Variants in ERGIC2 observed in about 807,000 individuals in gnomAD.
ERGIC2 encodes ERGIC and golgi 2.
Under a neutral mutation model 52.5 loss-of-function variants are expected in ERGIC2, and 31 were observed. The ratio of observed to expected loss-of-function variants is 0.59; its 90% CI spans 0.44 to 0.80. The LOEUF is 0.80. Among genes scored for constraint, ERGIC2 ranks in the 30% least tolerant of loss-of-function variants. The pLI is 0.00. For synonymous variants in ERGIC2, 129 were observed against 140.6 expected, an observed-to-expected ratio of 0.92 and a Z score of 0.58; for missense variants, 395 against 455.2, an observed-to-expected ratio of 0.87 and a Z score of 1.20.
chr12:29,348,703 T>C (rs943801896), intron 10 of ERGIC2, among the ~76,000 whole-genome samples: 3 of 152,014 alleles, frequency 2.0e-5, no homozygotes, highest in African/African-American at 7.2e-5. Flanking sequence ...ACCTATATTA[T>C]ACAAAGAAGA....
intron 11 of ERGIC2, 134 bp downstream of exon 11, chr12:29,345,309 A>C: frequency 1.6e-6 from 1 of 630,716 alleles, no homozygotes; most frequent in South Asian, 2.0e-5. Context: ...ATGTTAATTC[A>C]TTTCAAAACT....
intron 8 of ERGIC2, among the ~76,000 whole-genome samples, chr12:29,351,378 G>T (rs907385956): frequency 6.6e-6 from 1 of 152,160 alleles, no homozygotes; most frequent in South Asian, 2.1e-4. Flanking sequence ...TCCACTTTAG[G>T]ATGTACTGAA....
chr12:29,343,556 G>A (rs964392238), intron 11 of ERGIC2, among the ~76,000 whole-genome samples: 7 of 152,130 alleles, frequency 4.6e-5, no homozygotes, highest in African/African-American at 1.7e-4. Context: ...TTTCTACTGA[G>A]CTCAAGAGCT....
chr12:29,375,080 T>A (rs1215242763), intron 1 of ERGIC2, among the ~76,000 whole-genome samples: 1 of 152,122 alleles, frequency 6.6e-6, no homozygotes, highest in East Asian at 1.9e-4. Flanking sequence ...AATATCCTAT[T>A]CTCTTTGCCA....
intron 5 of ERGIC2, among the ~76,000 whole-genome samples, chr12:29,362,885 A>C (rs1227931067): frequency 2.6e-5 from 4 of 152,180 alleles, no homozygotes; most frequent in Non-Finnish European, 5.9e-5. Flanking sequence ...CAGCAAACCA[A>C]TAAGGCTGTT....
chr12:29,358,384 A>C (rs556025431), intron 6 of ERGIC2, among the ~76,000 whole-genome samples: 1 of 152,196 alleles, frequency 6.6e-6, no homozygotes, highest in Non-Finnish European at 1.5e-5. Context: ...CACAGTGGGA[A>C]GGGAAGAATA....
chr12:29,374,802 C>T (rs973099683), intron 1 of ERGIC2, among the ~76,000 whole-genome samples: 1 of 152,180 alleles, frequency 6.6e-6, no homozygotes, highest in African/African-American at 2.4e-5. Context: ...CTGCCACAAT[C>T]TATCACTACA....
rs984121508 is a variant in ERGIC2, at chr12:29,345,381, A to C, written c.825+62T>G. 5.4e-6 allele frequency: 5 copies of C among 923,684 alleles called. No homozygotes were observed. The East Asian group carries it at 9.7e-5, about 18-fold the overall frequency. 57.2% of individuals were successfully genotyped at this position (923,684 alleles called of 1,614,324 possible). ...AACACCACCTTATTTTGTAGCCAGG[A>C]AACTTTAAAATGCTTTTTTAAAAAA... On this transcript the variant is annotated intron_variant, in intron 11 of 13. Coordinates refer to ENST00000360150, the MANE Select transcript of ERGIC2 (RefSeq NM_016570.3).
intron 1 of ERGIC2, chr12:29,372,831 T>G (rs1201482162): frequency 2.6e-5 from 4 of 152,108 alleles, no homozygotes; most frequent in Non-Finnish European, 5.9e-5. Context: ...AATTTTTGTA[T>G]TTTTTGTAGA....
intron 2 of ERGIC2, among the ~76,000 whole-genome samples, chr12:29,370,546 A>T (rs1018120017): frequency 6.6e-6 from 1 of 152,146 alleles, no homozygotes; most frequent in East Asian, 1.9e-4. Flanking sequence ...AAACAGTGTC[A>T]CAGATAGGAT....
intron 8 of ERGIC2, among the ~76,000 whole-genome samples, chr12:29,350,315 C>T (rs752993480): frequency 6.6e-6 from 1 of 152,012 alleles, no homozygotes; most frequent in Non-Finnish European, 1.5e-5. Flanking sequence ...GACCATGATG[C>T]AAAATCAAGT....
chr12:29,359,228 T>C (rs1940250237), intron 6 of ERGIC2, among the ~76,000 whole-genome samples: 1 of 151,932 alleles, frequency 6.6e-6, no homozygotes, highest in Non-Finnish European at 1.5e-5. Context: ...TTCAGACATT[T>C]AAAGACATTG....
rs752533240 is a variant in ERGIC2, at chr12:29,361,671, A to C, written c.348T>G (p.Leu116=). The change falls in exon 6 of 14, where the codon CTT becomes CTG. Residue 116 remains leucine (L), a synonymous_variant. Coordinates refer to ENST00000360150, the MANE Select transcript of ERGIC2 (RefSeq NM_016570.3). ...GLVYEPTVFD[L]SPQQKEWQRM... ...TCTGCCACTCTTTCTGCTGTGGTGAAAGATCAAATACTGTCTGAAATGAAA... is the reference window on the plus strand; with the variant it reads ...TCTGCCACTCTTTCTGCTGTGGTGACAGATCAAATACTGTCTGAAATGAAA... The C allele has an allele frequency of 3.1e-6, 5 of 1,605,966 alleles. No individual in the cohort carries two copies. Among genetic ancestry groups the C allele is most frequent in the Middle Eastern group, 1.7e-4 (1 of 6,034 alleles).
intron 2 of ERGIC2, among the ~76,000 whole-genome samples, chr12:29,370,572 G>A (rs749916790): frequency 4.6e-5 from 7 of 151,814 alleles, no homozygotes; most frequent in Non-Finnish European, 1.0e-4. Context: ...ATGAAAGTAA[G>A]CATGCCTTAT....
chr12:29,356,287 T>C, intron 8 of ERGIC2, 95 bp downstream of exon 8: 1 of 714,606 alleles, frequency 1.4e-6, no homozygotes. Flanking sequence ...CCTCCCAAAG[T>C]GCTGGGATTA....
At position 29,372,097 on chromosome 12, in the gene ERGIC2, T is replaced by C. The variant is rs1426670836; in HGVS notation, c.-37-427A>G. 1.3e-5 allele frequency among the ~76,000 whole-genome samples: 2 copies of C among 152,120 alleles called. 1 individual carries two copies. The highest frequency in any genetic ancestry group is 2.9e-5 in the Non-Finnish European group (2 of 68,022). ...GCTCACGCCTGTAATCCCAGTACTT[T>C]GGGAGGCCGAGGCGGGTGGATCATC... On this transcript the variant is annotated intron_variant, in intron 1 of 13. Coordinates refer to ENST00000360150, the MANE Select transcript of ERGIC2 (RefSeq NM_016570.3).
intron 4 of ERGIC2, among the ~76,000 whole-genome samples, chr12:29,367,635 A>C (rs1463890353): frequency 6.6e-6 from 1 of 151,816 alleles, no homozygotes; most frequent in Admixed American, 6.6e-5. Flanking sequence ...AAAATGTAAA[A>C]ATTTTCTCTG....
rs753496353 is a variant in ERGIC2 at position 29,368,268 on chromosome 12, C to T, written c.235G>A (p.Asp79Asn). The T allele has an allele frequency of 1.3e-6, 2 of 1,552,840 alleles. No homozygotes were observed. Among genetic ancestry groups the T allele is most frequent in the Non-Finnish European group, 1.8e-6 (2 of 1,126,108 alleles). ...DFSSKLRINI[D>N]ITVAMKCQYV... ...TGACACTTCATGGCAACAGTAATAT[C>T]TATATTAATTCTTAATTTGCTGAAA... Residue 79 changes from aspartate to asparagine, a missense_variant, in exon 4 of 14, where the codon GAT (aspartate) becomes AAT (asparagine). Asp to Asn is a conservative substitution (Grantham distance 23). Coordinates refer to ENST00000360150, the MANE Select transcript of ERGIC2 (RefSeq NM_016570.3).
At chr12:29,360,263 AGG>A (rs1438325162) in intron 6 of ERGIC2, among the ~76,000 whole-genome samples, 1 of 151,940 alleles carries the variant, frequency 6.6e-6, no homozygotes, top group Non-Finnish European at 1.5e-5. Flanking sequence ...GTACAGAATT[AGG>A]TTCAAGAATG....
Sources: gnomAD v4.1 joint callset for allele counts (sites outside exome capture counted in the v4.1 genomes callset) on GRCh38, gnomAD v4.1.1 for gene constraint, MANE v1.5 for transcripts, NCBI Gene and HGNC (gene_info 2026-07-23, HGNC 2026-07-21) for gene names.